The following EDEM3 variants were observed in gnomAD, a reference collection of about 807,000 sequenced individuals.
EDEM3 encodes ER degradation enhancing alpha-mannosidase like protein 3.
Under a neutral mutation model 110.2 loss-of-function variants are expected in EDEM3, and 60 were observed. The ratio of observed to expected loss-of-function variants is 0.54; its 90% CI spans 0.44 to 0.67. EDEM3 has a LOEUF of 0.67. EDEM3 is among the 30% of genes least tolerant of loss of function. EDEM3 has a pLI of 0.00. For synonymous variants in EDEM3, 352 were observed against 382.9 expected, an observed-to-expected ratio of 0.92 and a Z score of 0.94; for missense variants, 996 against 1,121.0, an observed-to-expected ratio of 0.89 and a Z score of 1.59.
intron 9 of EDEM3, chr1:184,720,476 A>T (rs1650825580): frequency 6.6e-6 from 1 of 151,698 alleles, no homozygotes; most frequent in African/African-American, 2.4e-5. Flanking sequence ...CGTAGGTGGT[A>T]CAATCAGAAT....
At chr1:184,722,300 C>T (rs1650949576) in intron 8 of EDEM3, among the ~76,000 whole-genome samples, 1 of 151,826 alleles carries the variant, frequency 6.6e-6, no homozygotes, top group African/African-American at 2.4e-5. Flanking sequence ...TTAAATGAGT[C>T]TTTTTAGTGT....
intron 8 of EDEM3, among the ~76,000 whole-genome samples, chr1:184,721,919 G>A (rs891575844): frequency 2.0e-5 from 3 of 151,828 alleles, no homozygotes; most frequent in African/African-American, 7.2e-5. Flanking sequence ...AATGAAGATG[G>A]TACAATGCTA....
At chr1:184,748,961 C>T (rs1172857288) in intron 2 of EDEM3, among the ~76,000 whole-genome samples, 1 of 152,076 alleles carries the variant, frequency 6.6e-6, no homozygotes. Flanking sequence ...TTTTGAATTC[C>T]AGAATTTGCT....
intron 7 of EDEM3, among the ~76,000 whole-genome samples, chr1:184,725,469 C>A (rs938002076): frequency 6.6e-6 from 1 of 151,854 alleles, no homozygotes; most frequent in Non-Finnish European, 1.5e-5. Context: ...AAAAGATTAA[C>A]CAACCAAACA....
intron 16 of EDEM3, among the ~76,000 whole-genome samples, chr1:184,709,642 G>A (rs878978786): frequency 6.6e-6 from 1 of 152,176 alleles, no homozygotes; most frequent in Admixed American, 6.6e-5. Flanking sequence ...TAAAAGCAAT[G>A]TCACAAGAGA....
intron 17 of EDEM3, among the ~76,000 whole-genome samples, chr1:184,707,170 T>G (rs151001721): frequency 4.1e-4 from 62 of 152,330 alleles, no homozygotes; most frequent in Middle Eastern, 6.8e-3. Context: ...AGCAGTAAAG[T>G]TGGGACCTGC....
intron 9 of EDEM3, 93 bp from the exon 10 acceptor site, chr1:184,719,661 G>T (rs749311372): frequency 4.2e-5 from 51 of 1,205,870 alleles, no homozygotes; most frequent in Non-Finnish European, 5.5e-5. Context: ...AATTAAACTA[G>T]AATTTATATA....
intron 6 of EDEM3, among the ~76,000 whole-genome samples, chr1:184,727,281 C>T (rs1651243333): frequency 6.6e-6 from 1 of 152,126 alleles, no homozygotes; most frequent in Non-Finnish European, 1.5e-5. Context: ...CAGAGCAAGA[C>T]CTTTACTATT....
chr1:184,719,122 TTG>T (rs1390967200), intron 11 of EDEM3, 38 bp downstream of exon 11: 22 of 1,145,724 alleles, frequency 1.9e-5, no homozygotes, highest in Admixed American at 4.7e-5. Flanking sequence ...GTGTGTGTGT[TTG>T]TGTGTGTGTA....
intron 19 of EDEM3, among the ~76,000 whole-genome samples, chr1:184,694,698 T>A (rs367941937): frequency 2.0e-5 from 3 of 152,052 alleles, no homozygotes; most frequent in East Asian, 3.9e-4. Flanking sequence ...ATAAACGTTC[T>A]TCCAAATTGG....
chr1:184,737,520 C>A, intron 3 of EDEM3, 91 bp downstream of exon 3: 1 of 1,183,592 alleles, frequency 8.4e-7, no homozygotes, highest in South Asian at 1.4e-5. Context: ...TTTAGCCAAT[C>A]CCTAGAAATA....
At chr1:184,718,225 A>G (rs567416841) in intron 11 of EDEM3, among the ~76,000 whole-genome samples, 91 of 152,218 alleles carry the variant, frequency 6.0e-4, no homozygotes, top group African/African-American at 2.2e-3. Context: ...CCTTTGTGGA[A>G]TAAGACAGAG....
At position 184,710,422 on chromosome 1, in the gene EDEM3, C is replaced by T; in HGVS notation, c.1817G>A (p.Arg606Lys). The change falls in exon 16 of 20, where the codon AGA (arginine) becomes AAA (lysine). Residue 606 changes from arginine to lysine, a missense_variant. By Grantham distance (26) the Arg-to-Lys change is conservative (BLOSUM62 2). Transcript: ENST00000318130. The part of the protein sequence containing the change: ...GVSLIHLKDG[R>K]VQLVQHAIQA... The stretch of plus-strand genomic sequence containing the variant: ...GATTGCATGTTGGACCAACTGGACT[C>T]TCCCATCTTTGAGGTGAATCAAACT... 1 of 1,613,960 alleles carries T rather than the reference C, an allele frequency of 6.2e-7. No individual in the cohort carries two copies. The highest frequency in any genetic ancestry group is 1.1e-5 in the South Asian group (1 of 91,072).
In EDEM3 at chr1:184,711,762, T is replaced by A; in HGVS notation, c.1652A>T (p.Asn551Ile). The A allele has an allele frequency of 6.2e-7, 1 of 1,612,858 alleles. No individual in the cohort carries two copies. The highest frequency in any genetic ancestry group is 8.5e-7 in the Non-Finnish European group (1 of 1,179,336). Reference sequence around the variant, plus strand: ...TCTAGGACAGCTCTTATCCACCACATTTTTCAAGGGCTCACGAATACTTTG... The same window carrying A: ...TCTAGGACAGCTCTTATCCACCACAATTTTCAAGGGCTCACGAATACTTTG... The part of the protein sequence containing the change: ...YAQSIREPLK[N>I]VVDKSCPRGI... Residue 551 changes from asparagine to isoleucine, a missense_variant, in exon 15 of 20, where the codon AAT becomes ATT. Transcript: ENST00000318130.
At chr1:184,754,425 G>A in intron 1 of EDEM3, 64 bp downstream of exon 1, 1 of 1,601,260 alleles carries the variant, frequency 6.2e-7, no homozygotes, top group Non-Finnish European at 8.5e-7. Flanking sequence ...GGGTCGCAAT[G>A]ACAGGCACCC....
chr1:184,707,437 C>T (rs1649989273), intron 17 of EDEM3, among the ~76,000 whole-genome samples: 1 of 152,112 alleles, frequency 6.6e-6, no homozygotes, highest in South Asian at 2.1e-4. Flanking sequence ...TAAACTGATA[C>T]AGCAAGCAGT....
chr1:184,696,630 C>T (rs1399593064), intron 19 of EDEM3, among the ~76,000 whole-genome samples: 1 of 151,840 alleles, frequency 6.6e-6, no homozygotes, highest in South Asian at 2.1e-4. Context: ...TCCACACAAT[C>T]TCTGTCTTCT....
At chr1:184,700,406 G>A (rs973358702) in intron 19 of EDEM3, among the ~76,000 whole-genome samples, 1 of 151,954 alleles carries the variant, frequency 6.6e-6, no homozygotes, top group African/African-American at 2.4e-5. Context: ...TTTTAAGGAT[G>A]TTGTTACTTA....
At chr1:184,736,750 C>A (rs1057155928) in intron 4 of EDEM3, among the ~76,000 whole-genome samples, 1 of 152,132 alleles carries the variant, frequency 6.6e-6, no homozygotes, top group Admixed American at 6.5e-5. Context: ...ATAGCTTCAA[C>A]CTCCTTGTCC....
Sources: allele counts gnomAD v4.1 joint callset (sites outside exome capture counted in the v4.1 genomes callset), GRCh38; gene constraint gnomAD v4.1.1; transcripts MANE v1.5; gene names NCBI Gene and HGNC (gene_info 2026-07-23, HGNC 2026-07-21).